Variants in MGAM2 observed in about 807,000 individuals in gnomAD.
MGAM2 encodes probable maltase-glucoamylase 2.
MGAM2 carries 98 observed loss-of-function variants against 96.1 expected under a neutral mutation model. The ratio of observed to expected loss-of-function variants is 1.02; its 90% confidence interval spans 0.87 to 1.21. The LOEUF (loss-of-function observed/expected upper bound fraction) is 1.21. Among genes scored for constraint, MGAM2 ranks in the 50% most tolerant of loss-of-function variants. The pLI, the probability that MGAM2 is intolerant of heterozygous loss-of-function variation, is 0.00. For missense variants in MGAM2, 2,055 were observed against 1,182.4 expected (o/e 1.74, Z -10.82); for synonymous variants, 749 against 414.8 (o/e 1.81, Z -9.79).
chr7:142,158,543 C>T (rs1302838886), intron 19 of MGAM2, among the ~76,000 whole-genome samples: 2 of 152,100 alleles, frequency 1.3e-5, no homozygotes, highest in African/African-American at 4.8e-5. Context: ...TGTAAAATTG[C>T]CTTAAAATTA....
chr7:142,167,428 A>T lies in MGAM2; in HGVS notation c.2969A>T (p.Lys990Met). The change falls in exon 26 of 48, where the codon AAG becomes ATG. Residue 990 changes from lysine (K) to methionine (M), a missense_variant. By Grantham distance (95) the Lys-to-Met change is moderately conservative. Coordinates refer to ENST00000477922, the MANE Select transcript of MGAM2 (RefSeq NM_001293626.2). ...AAAASDSLSA[K>M]ISFLHLKVIY... ...GCCGCCTCTGATTCTCTCTCTGCAAAGATCAGCTTCCTCCACCTGAAAGTG... is the reference window on the plus strand; with the variant it reads ...GCCGCCTCTGATTCTCTCTCTGCAATGATCAGCTTCCTCCACCTGAAAGTG... 1.4e-6 allele frequency: 1 copy of T among 702,968 alleles called. No homozygotes were observed. Among genetic ancestry groups the T allele is most frequent in the Non-Finnish European group, 2.6e-6 (1 of 384,974 alleles). 43.5% of individuals were successfully genotyped at this position (702,968 alleles called of 1,614,324 possible).
At chr7:142,143,399 T>TA (rs1304482173) in intron 12 of MGAM2, among the ~76,000 whole-genome samples, 2 of 152,234 alleles carry the variant, frequency 1.3e-5, no homozygotes, top group Non-Finnish European at 2.9e-5. Flanking sequence ...AAGTAGACTT[T>TA]ATGTGACCTT....
At chr7:142,197,134 G>A (rs137987634) in intron 40 of MGAM2, among the ~76,000 whole-genome samples, 1 of 152,108 alleles carries the variant, frequency 6.6e-6, no homozygotes, top group Admixed American at 6.6e-5. Flanking sequence ...AAGATATGTT[G>A]GTGCTGCACG....
intron 3 of MGAM2, 24 bp from the exon 4 acceptor site, chr7:142,130,924 G>A (rs1563250725): frequency 1.0e-5 from 7 of 701,930 alleles, no homozygotes. Context: ...TTTATATACT[G>A]CTAACTCTGT....
At chr7:142,138,737 T>C (rs1367954999) in intron 10 of MGAM2, 70 bp downstream of exon 10, 2 of 649,722 alleles carry the variant, frequency 3.1e-6, no homozygotes, top group Non-Finnish European at 5.6e-6. Flanking sequence ...TTAAATTCAA[T>C]GTATTAGGAA....
At chr7:142,156,724 G>C (rs1795746425) in intron 17 of MGAM2, among the ~76,000 whole-genome samples, 1 of 152,148 alleles carries the variant, frequency 6.6e-6, no homozygotes, top group Non-Finnish European at 1.5e-5. Context: ...GTCTCATGGA[G>C]TCATTCTATT....
intron 10 of MGAM2, among the ~76,000 whole-genome samples, 190 bp downstream of exon 10, chr7:142,138,857 G>A (rs1247504261): frequency 1.3e-5 from 2 of 152,210 alleles, no homozygotes; most frequent in East Asian, 3.9e-4. Context: ...AAGCCTGATA[G>A]AGGTGGCTTT....
At chr7:142,164,615 C>T (rs200300022) in intron 23 of MGAM2, among the ~76,000 whole-genome samples, 3 of 151,764 alleles carry the variant, frequency 2.0e-5, no homozygotes, top group Non-Finnish European at 2.9e-5. Context: ...ACGTATTTTC[C>T]GATTAATAGA....
At chr7:142,213,597 C>T (rs1797660834) in intron 46 of MGAM2, among the ~76,000 whole-genome samples, 1 of 152,128 alleles carries the variant, frequency 6.6e-6, no homozygotes, top group South Asian at 2.1e-4. Flanking sequence ...TTCCTGGACA[C>T]ATACACCCTC....
chr7:142,114,212 AAGAG>A (rs1291753105), intron 1 of MGAM2, among the ~76,000 whole-genome samples: 1,249 of 106,848 alleles, frequency 0.012, 28 homozygotes, highest in East Asian at 0.059. Flanking sequence ...GAAAGAAAGA[AAGAG>A]AGAAAGAAAG....
chr7:142,195,297 G>A (rs1037027508), intron 37 of MGAM2, among the ~76,000 whole-genome samples: 8 of 149,250 alleles, frequency 5.4e-5, no homozygotes, highest in African/African-American at 2.0e-4. Flanking sequence ...GCCTCCCAAG[G>A]TGCTGGGATT....
intron 14 of MGAM2, among the ~76,000 whole-genome samples, chr7:142,145,149 A>G (rs1451731059): frequency 1.3e-5 from 2 of 152,106 alleles, no homozygotes; most frequent in Non-Finnish European, 1.5e-5. Flanking sequence ...CAAGCATGTG[A>G]CAAAGTCTGA....
chr7:142,219,518 G>A (rs1338666688), intron 47 of MGAM2, among the ~76,000 whole-genome samples: 1 of 152,108 alleles, frequency 6.6e-6, no homozygotes, highest in African/African-American at 2.4e-5. Context: ...TTTGAAATGA[G>A]GAAAACATGA....
intron 44 of MGAM2, 47 bp from the exon 45 acceptor site, chr7:142,199,833 C>A (rs1289601416): frequency 4.6e-6 from 3 of 646,200 alleles, no homozygotes; most frequent in African/African-American, 3.7e-5. Flanking sequence ...TTTATTCTTA[C>A]AACCTACAAT....
rs112322519 is a variant in MGAM2, at chr7:142,168,580, G to T, written c.3027+1094G>T. Reference sequence around the variant, plus strand: ...CCACCACGCCCGGCCTCGAGAATCTGCATTTCTAACAAGCTCCCAGGTAAG... The same window carrying T: ...CCACCACGCCCGGCCTCGAGAATCTTCATTTCTAACAAGCTCCCAGGTAAG... On this transcript the variant is annotated intron_variant, in intron 26 of 47. Coordinates refer to ENST00000477922, the MANE Select transcript of MGAM2 (RefSeq NM_001293626.2). Among the ~76,000 whole-genome samples, 710 of 152,192 alleles carry T rather than the reference G, an allele frequency of 4.7e-3. 9 individuals are homozygous for T. Among genetic ancestry groups the T allele is most frequent in the African/African-American group, 0.016 (666 of 41,538 alleles).
intron 45 of MGAM2, among the ~76,000 whole-genome samples, chr7:142,206,227 T>C (rs1797395760): frequency 6.6e-6 from 1 of 152,180 alleles, no homozygotes; most frequent in Non-Finnish European, 1.5e-5. Context: ...GCATGAGTTC[T>C]TCAATTTAGT....
chr7:142,114,202 G>GAAAGAAAC (rs1315086709), intron 1 of MGAM2, among the ~76,000 whole-genome samples: 1 of 140,490 alleles, frequency 7.1e-6, no homozygotes, highest in Non-Finnish European at 1.5e-5. Context: ...AAGAAAGAAA[G>GAAAGAAAC]AAAGAAAGAA....
intron 45 of MGAM2, among the ~76,000 whole-genome samples, chr7:142,203,750 G>T (rs1010333057): frequency 2.0e-5 from 3 of 152,062 alleles, no homozygotes; most frequent in Non-Finnish European, 2.9e-5. Context: ...AGTAGGGAAA[G>T]ACTCTATTCA....
chr7:142,183,820 CT>C (rs1796611340), intron 33 of MGAM2, among the ~76,000 whole-genome samples: 1 of 151,986 alleles, frequency 6.6e-6, no homozygotes, highest in Non-Finnish European at 1.5e-5. Flanking sequence ...CAATCTTCAT[CT>C]TTATATGTCT....
Sources: allele counts gnomAD v4.1 joint callset (sites outside exome capture counted in the v4.1 genomes callset), GRCh38; gene constraint gnomAD v4.1.1; transcripts MANE v1.5; gene names NCBI Gene and HGNC (gene_info 2026-07-23, HGNC 2026-07-21).